HK2: variants seen among roughly 807,000 people sequenced by gnomAD.
HK2 encodes hexokinase 2.
A neutral mutation model predicts 92.9 loss-of-function variants in HK2; 42 were observed. That is an observed-to-expected ratio of 0.45 (90% CI 0.35 to 0.58). The LOEUF is 0.58. Ranked by LOEUF, HK2 falls within the 20% of genes least tolerant of loss-of-function variation. The probability of loss-of-function intolerance (pLI) is 0.00; values close to 1 mark genes in which losing one functional copy is unlikely to be tolerated. For synonymous variants in HK2, 422 were observed against 468.0 expected, an observed-to-expected ratio of 0.90 and a Z score of 1.27; for missense variants, 978 against 1,245.1, an observed-to-expected ratio of 0.79 and a Z score of 3.23.
At position 74,869,881 on chromosome 2, in the gene HK2, G is replaced by A. The variant is rs149044530; in HGVS notation, c.375+2097G>A. Among the ~76,000 whole-genome samples the A allele has an allele frequency of 2.4e-4, 36 of 152,210 alleles. No homozygotes were observed. In the East Asian group the frequency reaches 5.8e-3, roughly 24 times the overall value. ...GCCAGTGGAACTTCTTGCAGCAATGGAACTGTCTCCTATCTTCCCTGTGCA... is the reference window on the plus strand; with the variant it reads ...GCCAGTGGAACTTCTTGCAGCAATGAAACTGTCTCCTATCTTCCCTGTGCA... On this transcript the variant is annotated intron_variant, in intron 3 of 17. Transcript: ENST00000290573.
In HK2 at chr2:74,834,859, C is replaced by T. The variant is rs909972191; in HGVS notation, c.63+216C>T. Among the ~76,000 whole-genome samples, 2 of 151,320 alleles carry T rather than the reference C, an allele frequency of 1.3e-5. No homozygotes were observed. The highest frequency in any genetic ancestry group is 3.0e-5 in the Non-Finnish European group (2 of 67,634). The stretch of plus-strand genomic sequence containing the variant: ...CGGGCGGGGAGCCGAGGTCGCGCTC[C>T]GCCGGGCGCCCTCCCTCCCTGAGCT... On this transcript the variant is annotated intron_variant, in intron 1 of 17. Coordinates refer to ENST00000290573, the MANE Select transcript of HK2 (RefSeq NM_000189.5). The surrounding 1 kb of genome is among the most constrained non-coding windows in gnomAD (Gnocchi z 4.2).
At position 74,849,838 on chromosome 2, in the gene HK2, T is replaced by TACGA. The variant is rs1359538228; in HGVS notation, c.64-4451_64-4448dup. ...AGAGTCCTCTAATGTCGCACACCTG[T>TACGA]ACGAACGCTACCACTAGGATTTGCA... On this transcript the variant is annotated intron_variant, in intron 1 of 17. Coordinates refer to ENST00000290573, the MANE Select transcript of HK2 (RefSeq NM_000189.5). Among the ~76,000 whole-genome samples, 3 of 152,336 alleles carry TACGA rather than the reference T, an allele frequency of 2.0e-5. No homozygotes were observed. The East Asian group carries it at 5.8e-4, about 29-fold the overall frequency.
intron 1 of HK2, chr2:74,835,071 C>G: frequency 3.9e-6 from 1 of 253,608 alleles, no homozygotes; most frequent in South Asian, 4.3e-5. Context: ...CCGCGTGGGG[C>G]CGCCGGGGGC....
At chr2:74,844,031 A>T (rs759485322) in intron 1 of HK2, among the ~76,000 whole-genome samples, 3 of 152,218 alleles carry the variant, frequency 2.0e-5, no homozygotes. Flanking sequence ...AGGGCAAGCC[A>T]GAATCCAGAC....
chr2:74,874,468 T>TGCGAGTGGGCTTGGCGGGGGCCTGGAAGG lies in HK2; in HGVS notation c.875+45_875+46insAGGGCGAGTGGGCTTGGCGGGGGCCTGGA. The TGCGAGTGGGCTTGGCGGGGGCCTGGAAGG allele has an allele frequency of 6.3e-7, 1 of 1,581,976 alleles. No individual in the cohort carries two copies. ...AGCAACTGTGAGTAGGCCCTTCCTG[T>TGCGAGTGGGCTTGGCGGGGGCCTGGAAGG]GCGAGTGGGCTTGGCGGGGGCCTGG... On this transcript the variant is annotated intron_variant, in intron 7 of 17. Coordinates refer to ENST00000290573, the MANE Select transcript of HK2 (RefSeq NM_000189.5).
Position 74,878,766 on chromosome 2 carries a change from C to T in HK2, c.1110C>T (p.Ala370=). ...ACCCGACTCAGGAGGACTGCGTGGC[C>T]ACTCACCGGATCTGCCAGATCGTGT... ...GLDPTQEDCV[A]THRICQIVST... The change falls in exon 9 of 18, where the codon GCC becomes GCT. Residue 370 remains alanine (A), a synonymous_variant. Transcript: ENST00000290573. The T allele has an allele frequency of 6.3e-7, 1 of 1,589,536 alleles. No individual in the cohort carries two copies.
chr2:74,857,879 C>T (rs1027017580), intron 2 of HK2, among the ~76,000 whole-genome samples: 2 of 152,158 alleles, frequency 1.3e-5, no homozygotes, highest in African/African-American at 4.8e-5. Context: ...CCCATGTGGT[C>T]GCACACAGCC....
chr2:74,884,969 C>T (rs975436741), intron 12 of HK2, among the ~76,000 whole-genome samples: 10 of 152,148 alleles, frequency 6.6e-5, no homozygotes, highest in Admixed American at 2.0e-4. Context: ...AGCACTTGTT[C>T]GCCAGATGCT....
rs903599381 is a variant in HK2, at chr2:74,849,995, C to T, written c.64-4298C>T. 3.9e-5 allele frequency among the ~76,000 whole-genome samples: 6 copies of T among 152,324 alleles called. No homozygotes were observed. In the East Asian group the frequency reaches 5.8e-4, roughly 15 times the overall value. On this transcript the variant is annotated intron_variant, in intron 1 of 17. Coordinates refer to ENST00000290573, the MANE Select transcript of HK2 (RefSeq NM_000189.5). ...TAAAAACAAATGCAGAGTTTGTCTT[C>T]CCAACTCCCAGCAGGCTGGATCAAC...
chr2:74,834,636 T>C lies in HK2; in HGVS notation c.56T>C (p.Val19Ala). 6.2e-7 allele frequency: 1 copy of C among 1,613,946 alleles called. No individual in the cohort carries two copies. The highest frequency in any genetic ancestry group is 8.5e-7 in the Non-Finnish European group (1 of 1,179,862). ...TTCACGGAGCTCAACCATGACCAAG[T>C]GCAGAAGGTAAGTCAGCGCGGGCGG... ...YFFTELNHDQVQKVDQYLYHM... is the reference protein window; with the variant it reads ...YFFTELNHDQAQKVDQYLYHM... Residue 19 changes from valine to alanine, a missense_variant, in exon 1 of 18, where the codon GTG (valine) becomes GCG (alanine). Coordinates refer to ENST00000290573, the MANE Select transcript of HK2 (RefSeq NM_000189.5). The surrounding 1 kb of genome is among the most constrained non-coding windows in gnomAD (Gnocchi z 4.2).
At chr2:74,836,716 C>G (rs970671093) in intron 1 of HK2, among the ~76,000 whole-genome samples, 2 of 152,186 alleles carry the variant, frequency 1.3e-5, no homozygotes, top group Non-Finnish European at 2.9e-5. Flanking sequence ...GTGAGCGAAG[C>G]TGTTTGATTC....
chr2:74,875,778 A>G (rs998900759), intron 7 of HK2, among the ~76,000 whole-genome samples: 1 of 152,076 alleles, frequency 6.6e-6, no homozygotes, highest in Non-Finnish European at 1.5e-5. Context: ...CTGAAAAGTC[A>G]CTCAGTGCCT....
At chr2:74,849,021 T>A (rs1349111669) in intron 1 of HK2, among the ~76,000 whole-genome samples, 1 of 152,204 alleles carries the variant, frequency 6.6e-6, no homozygotes, top group Non-Finnish European at 1.5e-5. Context: ...TGGCCAGGAC[T>A]GTGTATGGCC....
Position 74,878,848 on chromosome 2 carries a change from A to C in HK2, c.1192A>C (p.Lys398Gln). 6.4e-7 allele frequency: 1 copy of C among 1,554,028 alleles called. No individual in the cohort carries two copies. The highest frequency in any genetic ancestry group is 8.7e-7 in the Non-Finnish European group (1 of 1,148,252). ...CCTGGCCGCCGTGCTGCAGCGCATC[A>C]AGGAGAACAAAGGCGAGGAGCGGCT... is the stretch of plus-strand genomic sequence containing the variant. Reference protein sequence around the residue: ...ATLAAVLQRIKENKGEERLRS... With the variant: ...ATLAAVLQRIQENKGEERLRS... Residue 398 changes from lysine to glutamine, a missense_variant, in exon 9 of 18, where the codon AAG becomes CAG. Coordinates refer to ENST00000290573, the MANE Select transcript of HK2 (RefSeq NM_000189.5).
chr2:74,883,016 C>T (rs1277162609), intron 12 of HK2, among the ~76,000 whole-genome samples: 1 of 152,114 alleles, frequency 6.6e-6, no homozygotes, highest in Non-Finnish European at 1.5e-5. Flanking sequence ...TCTGGCACTC[C>T]CAGATGTTCT....
At chr2:74,867,865 C>A in intron 3 of HK2, 81 bp downstream of exon 3, 12 of 1,517,174 alleles carry the variant, frequency 7.9e-6, no homozygotes, top group Non-Finnish European at 1.0e-5. Context: ...CCAGCCGCTC[C>A]CAGCGTGTGG....
chr2:74,877,014 C>T (rs1194202619), intron 7 of HK2, 152 bp from the exon 8 acceptor site: 28 of 989,350 alleles, frequency 2.8e-5, no homozygotes, highest in Non-Finnish European at 3.9e-5. Context: ...CCCTCTGAGC[C>T]GTCACCTCTC....
At chr2:74,889,938 C>T (rs566333991) in intron 17 of HK2, among the ~76,000 whole-genome samples, 29 of 152,318 alleles carry the variant, frequency 1.9e-4, no homozygotes, top group Non-Finnish European at 2.8e-4. Context: ...AGCTGTATAG[C>T]GTACCTTTGA....
At chr2:74,888,287 G>A (rs1392773949) in intron 16 of HK2, among the ~76,000 whole-genome samples, 1 of 152,260 alleles carries the variant, frequency 6.6e-6, no homozygotes, top group Non-Finnish European at 1.5e-5. Flanking sequence ...CTGAGGTCAT[G>A]CAAAGTGATA....
Sources: gnomAD v4.1 joint callset for allele counts (sites outside exome capture counted in the v4.1 genomes callset) on GRCh38, gnomAD v4.1.1 for gene constraint, Gnocchi (gnomAD v3.1) non-coding constraint, MANE v1.5 for transcripts, NCBI Gene and HGNC (gene_info 2026-07-23, HGNC 2026-07-21) for gene names.